Variants in SH3RF3 observed in about 807,000 individuals in gnomAD.
SH3RF3 encodes the protein E3 ubiquitin-protein ligase SH3RF3.
SH3RF3 carries 29 observed loss-of-function variants against 66.3 expected under a neutral mutation model. The observed-to-expected ratio is 0.44, with a 90% CI of 0.33 to 0.60. The LOEUF (loss-of-function observed/expected upper bound fraction) is 0.60, where lower values mean the gene tolerates loss of function less well. Among genes scored for constraint, SH3RF3 ranks in the 20% least tolerant of loss-of-function variants. The probability of loss-of-function intolerance (pLI) is 0.04; values close to 1 mark genes in which losing one functional copy is unlikely to be tolerated. For missense variants in SH3RF3, 1,194 were observed against 1,190.9 expected (o/e 1.00, Z -0.04); for synonymous variants, 583 against 532.0 (o/e 1.10, Z -1.32).
At chr2:109,499,907 G>A (rs1322143897) in intron 9 of SH3RF3, among the ~76,000 whole-genome samples, 1 of 152,184 alleles carries the variant, frequency 6.6e-6, no homozygotes, top group Admixed American at 6.5e-5. Context: ...GGTTCAATTG[G>A]CACACAAGTG....
At chr2:109,158,411 C>G (rs566702564) in intron 1 of SH3RF3, among the ~76,000 whole-genome samples, 1 of 152,134 alleles carries the variant, frequency 6.6e-6, no homozygotes, top group Non-Finnish European at 1.5e-5. Flanking sequence ...GGCTTGCCTT[C>G]GTGGGTCATT....
At chr2:109,499,388 A>ATT (rs1246971861) in intron 9 of SH3RF3, among the ~76,000 whole-genome samples, 7 of 152,100 alleles carry the variant, frequency 4.6e-5, no homozygotes, top group Admixed American at 4.6e-4. Flanking sequence ...CTGCCACAAA[A>ATT]TCCACCACAT....
intron 4 of SH3RF3, among the ~76,000 whole-genome samples, chr2:109,410,588 C>T (rs756888550): frequency 2.6e-5 from 4 of 152,226 alleles, no homozygotes; most frequent in Non-Finnish European, 4.4e-5. Context: ...TGTTGAGCAT[C>T]CTGCCCGAGG....
Position 109,449,476 on chromosome 2 carries a change from A to G in SH3RF3, c.2135A>G (p.Lys712Arg). Residue 712 changes from lysine to arginine, a missense_variant, in exon 8 of 10, where the codon AAG becomes AGG. Coordinates refer to ENST00000309415, the MANE Select transcript of SH3RF3 (RefSeq NM_001099289.3). ...PTNTGCKLDEKKSEKKEKKSG... is the reference protein window; with the variant it reads ...PTNTGCKLDERKSEKKEKKSG... ...AACACGGGATGCAAACTAGACGAGA[A>G]GAAAAGTGAAAAGGTAAGAGGCCCA... 6.2e-7 allele frequency: 1 copy of G among 1,613,960 alleles called. No homozygotes were observed.
At chr2:109,311,751 G>A (rs9677550) in intron 1 of SH3RF3, among the ~76,000 whole-genome samples, 1 of 152,070 alleles carries the variant, frequency 6.6e-6, no homozygotes, top group Non-Finnish European at 1.5e-5. Flanking sequence ...TGAAAAGGGC[G>A]CTAATTTCAA....
At chr2:109,156,602 C>T (rs975140524) in intron 1 of SH3RF3, among the ~76,000 whole-genome samples, 4 of 152,144 alleles carry the variant, frequency 2.6e-5, no homozygotes, top group Non-Finnish European at 1.5e-5. Context: ...TCCACCACTA[C>T]ACCTGGCTAA....
chr2:109,471,923 CAGCAGTT>C (rs1210663034), intron 8 of SH3RF3, among the ~76,000 whole-genome samples: 1 of 152,176 alleles, frequency 6.6e-6, no homozygotes, highest in Non-Finnish European at 1.5e-5. Context: ...GCTGTGTGAA[CAGCAGTT>C]CATGTAACTT....
chr2:109,384,499 G>A (rs1675774236), intron 3 of SH3RF3, among the ~76,000 whole-genome samples: 1 of 151,974 alleles, frequency 6.6e-6, no homozygotes, highest in South Asian at 2.1e-4. Flanking sequence ...GGTGGGAGGA[G>A]AGGGGTTGGG....
intron 1 of SH3RF3, among the ~76,000 whole-genome samples, chr2:109,148,753 G>C (rs1205741245): frequency 6.6e-6 from 1 of 152,186 alleles, no homozygotes; most frequent in Non-Finnish European, 1.5e-5. Context: ...ACTGGGGCTC[G>C]GTCATAGACA....
At chr2:109,492,827 G>A (rs1029584364) in intron 9 of SH3RF3, among the ~76,000 whole-genome samples, 2 of 152,058 alleles carry the variant, frequency 1.3e-5, no homozygotes, top group Non-Finnish European at 2.9e-5. Context: ...TGTGGACATC[G>A]TGGGACATGT....
intron 1 of SH3RF3, among the ~76,000 whole-genome samples, chr2:109,345,361 G>C (rs376413671): frequency 1.3e-5 from 2 of 152,158 alleles, no homozygotes; most frequent in African/African-American, 4.8e-5. Flanking sequence ...CAGATAGCAC[G>C]AGCCGGCCGC....
chr2:109,242,974 TC>T (rs1212212338), intron 1 of SH3RF3, among the ~76,000 whole-genome samples: 2 of 152,264 alleles, frequency 1.3e-5, no homozygotes, highest in African/African-American at 4.8e-5. Context: ...GAGTCGGACT[TC>T]CGTGACTCAT....
intron 1 of SH3RF3, among the ~76,000 whole-genome samples, chr2:109,321,661 G>T (rs967311039): frequency 1.3e-5 from 2 of 152,230 alleles, no homozygotes; most frequent in African/African-American, 4.8e-5. Context: ...TGGCAGAAGG[G>T]ATCTGGCAAA....
intron 1 of SH3RF3, among the ~76,000 whole-genome samples, chr2:109,305,283 G>T (rs531361225): frequency 6.6e-6 from 1 of 152,102 alleles, no homozygotes; most frequent in Non-Finnish European, 1.5e-5. Flanking sequence ...GACTGGAGGC[G>T]TTTTGACTGA....
intron 8 of SH3RF3, among the ~76,000 whole-genome samples, chr2:109,457,165 T>C (rs1057065636): frequency 6.6e-5 from 10 of 152,220 alleles, no homozygotes; most frequent in Non-Finnish European, 1.3e-4. Context: ...TTTAGTTAGT[T>C]TGACGAATGC....
chr2:109,306,341 T>A (rs1372010000), intron 1 of SH3RF3, among the ~76,000 whole-genome samples: 2 of 152,194 alleles, frequency 1.3e-5, no homozygotes, highest in Non-Finnish European at 2.9e-5. Context: ...TGTCCCTGCC[T>A]CCAACCCCTG....
At chr2:109,302,015 C>G (rs1294996210) in intron 1 of SH3RF3, among the ~76,000 whole-genome samples, 1 of 152,220 alleles carries the variant, frequency 6.6e-6, no homozygotes, top group South Asian at 2.1e-4. Context: ...CTCAGTTCTT[C>G]TCAGGAAGCC....
At chr2:109,393,805 C>T (rs959575585) in intron 3 of SH3RF3, among the ~76,000 whole-genome samples, 1 of 152,066 alleles carries the variant, frequency 6.6e-6, no homozygotes, top group Non-Finnish European at 1.5e-5. Flanking sequence ...CTGGGCACCT[C>T]CCACACCACT....
chr2:109,211,421 G>A (rs899761085), intron 1 of SH3RF3, among the ~76,000 whole-genome samples: 1 of 152,234 alleles, frequency 6.6e-6, no homozygotes, highest in Non-Finnish European at 1.5e-5. Context: ...AAGCCCTGGC[G>A]AGGTAAGAAG....
Sources: gnomAD v4.1 joint callset for allele counts (sites outside exome capture counted in the v4.1 genomes callset) on GRCh38, gnomAD v4.1.1 for gene constraint, MANE v1.5 for transcripts, NCBI Gene and HGNC (gene_info 2026-07-23, HGNC 2026-07-21) for gene names.